Variants in NUS1 observed in about 807,000 individuals in gnomAD.
NUS1 encodes NUS1 dehydrodolichyl diphosphate synthase subunit, also known as dehydrodolichyl diphosphate synthase complex subunit NUS1.
For synonymous variants in NUS1, 135 were observed against 155.2 expected, an observed-to-expected ratio of 0.87 and a Z score of 0.97; for missense variants, 292 against 382.9, an observed-to-expected ratio of 0.76 and a Z score of 1.98.
chr6:117,692,664 A>C (rs956805411), intron 1 of NUS1, among the ~76,000 whole-genome samples: 1 of 152,162 alleles, frequency 6.6e-6, no homozygotes, highest in African/African-American at 2.4e-5. Flanking sequence ...TGAGTGAGGA[A>C]CATAACAGGC....
At chr6:117,706,333 C>T (rs72951525) in intron 4 of NUS1, among the ~76,000 whole-genome samples, 7,379 of 152,102 alleles carry the variant, frequency 0.049, 196 homozygotes, top group Middle Eastern at 0.12. Context: ...GTGGCTCTGC[C>T]CAACATTAAG....
chr6:117,682,821 T>A (rs1257440051), intron 1 of NUS1, among the ~76,000 whole-genome samples: 3 of 152,222 alleles, frequency 2.0e-5, no homozygotes, highest in African/African-American at 7.2e-5. Context: ...TTATTTTGAT[T>A]TCCACTGGTA....
rs957862042 is a variant in NUS1 at position 117,708,725 on chromosome 6, A to G, written c.*1710A>G. 7 of 152,350 alleles carry G rather than the reference A, an allele frequency of 4.6e-5. No homozygotes were observed. The highest frequency in any genetic ancestry group is 1.7e-4 in the African/African-American group (7 of 41,432). The allele number at this position is 152,350 out of a possible 1,614,324, so 9.4% of individuals were successfully genotyped here. A position where few individuals can be genotyped will look rare whatever the true frequency, so the allele number is the denominator to read the frequency against. ...AACCAGAGAATTTCTGATTCCTTAT[A>G]CTGTGATTATATTATATTGAGGCAT... is the stretch of plus-strand genomic sequence containing the variant. On this transcript the variant is annotated 3_prime_UTR_variant, in exon 5 of 5. Coordinates refer to ENST00000368494, the MANE Select transcript of NUS1 (RefSeq NM_138459.5).
At chr6:117,706,298 A>G (rs1387548875) in intron 4 of NUS1, among the ~76,000 whole-genome samples, 6 of 152,286 alleles carry the variant, frequency 3.9e-5, no homozygotes, top group South Asian at 2.1e-4. Context: ...CATGGCTACA[A>G]TATTTCATCA....
At position 117,676,017 on chromosome 6, in the gene NUS1, A is replaced by G; in HGVS notation, c.347A>G (p.Asp116Gly). 1 of 1,549,772 alleles carries G rather than the reference A, an allele frequency of 6.5e-7. No homozygotes were observed. Among genetic ancestry groups the G allele is most frequent in the Non-Finnish European group, 8.7e-7 (1 of 1,146,946 alleles). The change falls in exon 1 of 5, where the codon GAC (aspartate) becomes GGC (glycine). Residue 116 changes from aspartate (D) to glycine (G), a missense_variant. Asp to Gly is a moderately conservative substitution (Grantham distance 94, BLOSUM62 -1). Coordinates refer to ENST00000368494, the MANE Select transcript of NUS1 (RefSeq NM_138459.5). The part of the protein sequence containing the change: ...TEVEQEPSFS[D>G]IASLVVWCMA... ...GTGGAGCAGGAACCCAGCTTCTCGGACATCGCGAGCCTCGTGGTGTGGTGT... is the reference window on the plus strand; with the variant it reads ...GTGGAGCAGGAACCCAGCTTCTCGGGCATCGCGAGCCTCGTGGTGTGGTGT...
chr6:117,699,380 A>G (rs1428801520), intron 3 of NUS1, among the ~76,000 whole-genome samples: 1 of 152,212 alleles, frequency 6.6e-6, no homozygotes, highest in South Asian at 2.1e-4. Context: ...CCAAGAAAGT[A>G]ATCACATTTA....
In NUS1 at chr6:117,710,681, CTG is replaced by C. The variant is rs1315252523; in HGVS notation, c.*3667_*3668del. 2 of 152,054 alleles carry C rather than the reference CTG, an allele frequency of 1.3e-5. No homozygotes were observed. The highest frequency in any genetic ancestry group is 2.4e-5 in the African/African-American group (1 of 41,416). The allele number at this position is 152,054 out of a possible 1,614,324, so 9.4% of individuals were successfully genotyped here. A position where few individuals can be genotyped will look rare whatever the true frequency, so the allele number is the denominator to read the frequency against. On this transcript the variant is annotated 3_prime_UTR_variant, in exon 5 of 5. Coordinates refer to ENST00000368494, the MANE Select transcript of NUS1 (RefSeq NM_138459.5). The stretch of plus-strand genomic sequence containing the variant: ...TCTCTTTTGTATTTGATTATTGTGT[CTG>C]GATATAAATTACAATAGCACATGAA...
Position 117,707,043 on chromosome 6 carries a change from A to G in NUS1, c.*28A>G. 10 of 1,593,090 alleles carry G rather than the reference A, an allele frequency of 6.3e-6. No homozygotes were observed. Among genetic ancestry groups the G allele is most frequent in the Non-Finnish European group, 8.6e-6 (10 of 1,161,894 alleles). On this transcript the variant is annotated 3_prime_UTR_variant, in exon 5 of 5. Transcript: ENST00000368494. ...GTCATTGGTTGCATAATTTGATTTG[A>G]GGCTTGTGGAGGAAAGGAACCAAGT... is the stretch of plus-strand genomic sequence containing the variant.
intron 3 of NUS1, among the ~76,000 whole-genome samples, chr6:117,701,025 A>AC (rs1773399889): frequency 6.9e-6 from 1 of 144,224 alleles, no homozygotes; most frequent in African/African-American, 2.6e-5. Context: ...ATTGAATAAG[A>AC]TTTTTTTTTT....
At chr6:117,682,246 T>C (rs1311818258) in intron 1 of NUS1, among the ~76,000 whole-genome samples, 1 of 152,234 alleles carries the variant, frequency 6.6e-6, no homozygotes, top group Non-Finnish European at 1.5e-5. Flanking sequence ...TGTTAACTTT[T>C]TAAATGACTT....
chr6:117,702,941 C>T (rs907451571), intron 3 of NUS1, among the ~76,000 whole-genome samples: 5 of 151,860 alleles, frequency 3.3e-5, no homozygotes, highest in Non-Finnish European at 7.4e-5. Flanking sequence ...ATTGAAATAC[C>T]CTTGTCCTTT....
At chr6:117,701,260 T>G (rs79849215) in intron 3 of NUS1, among the ~76,000 whole-genome samples, 2 of 150,476 alleles carry the variant, frequency 1.3e-5, no homozygotes, top group Non-Finnish European at 3.0e-5. Flanking sequence ...TTTTTTTTTT[T>G]TTGAGATGGA....
At chr6:117,699,918 C>T (rs1188459666) in intron 3 of NUS1, among the ~76,000 whole-genome samples, 2 of 152,068 alleles carry the variant, frequency 1.3e-5, no homozygotes, top group Non-Finnish European at 2.9e-5. Context: ...AAACCAGTAT[C>T]TTCAGTAAAT....
At chr6:117,698,430 T>TA (rs1480706777) in intron 3 of NUS1, among the ~76,000 whole-genome samples, 4 of 152,012 alleles carry the variant, frequency 2.6e-5, no homozygotes, top group Non-Finnish European at 4.4e-5. Context: ...AAGAAATAGA[T>TA]AAATTCCTAG....
chr6:117,677,025 T>C (rs527524278), intron 1 of NUS1, among the ~76,000 whole-genome samples: 69 of 152,342 alleles, frequency 4.5e-4, no homozygotes, highest in Admixed American at 1.0e-3. Context: ...TCATCATCAG[T>C]GCCCAACACA....
chr6:117,697,799 G>A (rs957303829), intron 3 of NUS1, among the ~76,000 whole-genome samples: 2 of 152,050 alleles, frequency 1.3e-5, no homozygotes, highest in African/African-American at 4.8e-5. Context: ...CTGCACTGTA[G>A]ACCAAATGGA....
chr6:117,693,117 G>A lies in NUS1; in HGVS notation c.491G>A (p.Cys164Tyr). ...KQQQELLGLD[C>Y]SKYSPEFANS... ...CAGCAAGAACTTCTGGGCCTAGATTGTTCAAAATACTCACCAGAATTTGCA... is the reference window on the plus strand; with the variant it reads ...CAGCAAGAACTTCTGGGCCTAGATTATTCAAAATACTCACCAGAATTTGCA... The change falls in exon 2 of 5, where the codon TGT (cysteine) becomes TAT (tyrosine). Residue 164 changes from cysteine to tyrosine, a missense_variant. Transcript: ENST00000368494. 6.2e-7 allele frequency: 1 copy of A among 1,612,606 alleles called. No individual in the cohort carries two copies. The highest frequency in any genetic ancestry group is 1.1e-5 in the South Asian group (1 of 91,002).
Position 117,683,977 on chromosome 6 carries a change from A to G in NUS1, c.415+7892A>G, listed in dbSNP as rs115136768. On this transcript the variant is annotated intron_variant, in intron 1 of 4. Coordinates refer to ENST00000368494, the MANE Select transcript of NUS1 (RefSeq NM_138459.5). ...TAAGACTGAATACAGTATGTAACCT[A>G]GTAGGTAGATTAGGCAAATTAACTT... Among the ~76,000 whole-genome samples the G allele has an allele frequency of 7.3e-3, 1,110 of 152,336 alleles. 9 individuals carry two copies. Among genetic ancestry groups the G allele is most frequent in the African/African-American group, 0.025 (1,051 of 41,568 alleles).
At position 117,693,025 on chromosome 6, in the gene NUS1, C is replaced by G; in HGVS notation, c.416-17C>G. The G allele has an allele frequency of 6.3e-7, 1 of 1,591,742 alleles. No individual in the cohort carries two copies. Among genetic ancestry groups the G allele is most frequent in the Non-Finnish European group, 8.6e-7 (1 of 1,162,060 alleles). On this transcript the variant is annotated splice_polypyrimidine_tract_variant and intron_variant, in intron 1 of 4. Coordinates refer to ENST00000368494, the MANE Select transcript of NUS1 (RefSeq NM_138459.5). ...ATTAACCTAGTTGTGTTTTACTTGC[C>G]TTTTTCTTTTTTAAAGGTATTTTCA...
Sources: allele counts gnomAD v4.1 joint callset (sites outside exome capture counted in the v4.1 genomes callset), GRCh38; gene constraint gnomAD v4.1.1; transcripts MANE v1.5; gene names NCBI Gene and HGNC (gene_info 2026-07-23, HGNC 2026-07-21).